The following COL10A1 variants were observed in gnomAD, a reference collection of about 807,000 sequenced individuals.
COL10A1 encodes collagen alpha-1(X) chain.
A neutral mutation model predicts 18.2 loss-of-function variants in COL10A1; 10 were observed. The ratio of observed to expected loss-of-function variants is 0.55; its 90% CI spans 0.34 to 0.93. COL10A1 has a LOEUF of 0.93. Ranked by LOEUF, COL10A1 falls within the 40% of genes least tolerant of loss-of-function variation. COL10A1 has a pLI of 0.02. For missense variants in COL10A1, 897 were observed against 853.5 expected (o/e 1.05, Z -0.64); for synonymous variants, 330 against 316.6 (o/e 1.04, Z -0.45).
At chr6:116,150,110 C>T (rs1484774763) in intron 1 of COL10A1, among the ~76,000 whole-genome samples, 1 of 151,968 alleles carries the variant, frequency 6.6e-6, no homozygotes, top group Non-Finnish European at 1.5e-5. Flanking sequence ...GATAAAAAGT[C>T]GAGTCTTTGA....
the COL10A1 span, among the ~76,000 whole-genome samples, chr6:116,169,163 C>T: frequency 2.6e-5 from 4 of 152,202 alleles, no homozygotes; most frequent in African/African-American, 9.6e-5. Flanking sequence ...GCTCAGCTTT[C>T]TGGGTTTCTC....
chr6:116,125,249 A>G, intron 2 of COL10A1, 90 bp downstream of exon 2: 1 of 1,459,474 alleles, frequency 6.9e-7, no homozygotes, highest in Non-Finnish European at 9.4e-7. Context: ...AGTAACACCA[A>G]AGTTAAATGC....
upstream of COL10A1, among the ~76,000 whole-genome samples, chr6:116,159,904 T>C (rs1183154994): frequency 4.6e-5 from 7 of 152,208 alleles, no homozygotes; most frequent in Admixed American, 3.9e-4. Context: ...CTTAAGATCA[T>C]GGCCTCCAGC....
chr6:116,188,349 T>A, the COL10A1 span, among the ~76,000 whole-genome samples: 1 of 152,048 alleles, frequency 6.6e-6, no homozygotes, highest in Non-Finnish European at 1.5e-5. Context: ...ATATATACCA[T>A]CCAGAATGTT....
rs1226159533 is a variant in COL10A1, at chr6:116,119,156, A to G, written c.*917T>C. The G allele has an allele frequency of 1.3e-5, 2 of 152,632 alleles. No homozygotes were observed. Among genetic ancestry groups the G allele is most frequent in the Non-Finnish European group, 2.9e-5 (2 of 68,042 alleles). 9.5% of individuals were successfully genotyped at this position (152,632 alleles called of 1,614,324 possible). On this transcript the variant is annotated 3_prime_UTR_variant, in exon 3 of 3. Coordinates refer to ENST00000651968, the MANE Select transcript of COL10A1 (RefSeq NM_000493.4). Reference sequence around the variant, plus strand: ...ACAGTACAGTGCATAAATAAATAATATATCTCCACTTCTAGTCGAATTTTG... The same window carrying G: ...ACAGTACAGTGCATAAATAAATAATGTATCTCCACTTCTAGTCGAATTTTG...
chr6:116,198,685 C>T, the COL10A1 span, among the ~76,000 whole-genome samples: 7 of 152,076 alleles, frequency 4.6e-5, no homozygotes, highest in South Asian at 1.5e-3. Context: ...GCTACGATCA[C>T]ACCACTGCAC....
chr6:116,184,023 G>A, the COL10A1 span, among the ~76,000 whole-genome samples: 1 of 151,974 alleles, frequency 6.6e-6, no homozygotes, highest in Non-Finnish European at 1.5e-5. Context: ...TCAGTTTAAT[G>A]TTGACTGTGG....
upstream of COL10A1, among the ~76,000 whole-genome samples, chr6:116,161,085 G>A (rs932930799): frequency 3.3e-5 from 5 of 150,846 alleles, no homozygotes; most frequent in Non-Finnish European, 4.4e-5. Flanking sequence ...GTAAACTATC[G>A]TAAGAACAAA....
the COL10A1 span, among the ~76,000 whole-genome samples, chr6:116,206,169 C>G: frequency 1.3e-5 from 2 of 151,954 alleles, no homozygotes; most frequent in Non-Finnish European, 2.9e-5. Context: ...GCATTTTGGG[C>G]CCATGCAGGG....
At chr6:116,177,079 G>T in the COL10A1 span, among the ~76,000 whole-genome samples, 1 of 152,150 alleles carries the variant, frequency 6.6e-6, no homozygotes, top group South Asian at 2.1e-4. Context: ...TATAGTTTCT[G>T]TTATAATATG....
chr6:116,152,833 C>A (rs928424201), intron 1 of COL10A1, among the ~76,000 whole-genome samples: 5 of 152,112 alleles, frequency 3.3e-5, no homozygotes, highest in Non-Finnish European at 7.4e-5. Flanking sequence ...ATTGCTAAAT[C>A]CAGTTATTTA....
the COL10A1 span, among the ~76,000 whole-genome samples, chr6:116,165,445 TTTC>T: frequency 1.9e-4 from 29 of 152,234 alleles, no homozygotes; most frequent in Non-Finnish European, 3.8e-4. Flanking sequence ...TTGCTTACTT[TTTC>T]TTCTTCTTTC....
upstream of COL10A1, among the ~76,000 whole-genome samples, chr6:116,161,146 A>G (rs1293039218): frequency 7.0e-6 from 1 of 142,768 alleles, no homozygotes; most frequent in East Asian, 2.1e-4. Context: ...AACAATGAGA[A>G]CACATGGACA....
At chr6:116,169,449 A>G in the COL10A1 span, among the ~76,000 whole-genome samples, 2 of 152,316 alleles carry the variant, frequency 1.3e-5, no homozygotes, top group East Asian at 1.9e-4. Context: ...TTCAGTAAGC[A>G]TAGTGATTAG....
chr6:116,155,121 AG>A (rs1780153873), intron 1 of COL10A1, among the ~76,000 whole-genome samples: 1 of 152,156 alleles, frequency 6.6e-6, no homozygotes, highest in Non-Finnish European at 1.5e-5. Flanking sequence ...TCAATGGCAA[AG>A]TATGTGGTTG....
chr6:116,129,113 GAGA>G (rs1036555171), upstream of COL10A1, among the ~76,000 whole-genome samples: 19 of 152,172 alleles, frequency 1.2e-4, no homozygotes, highest in African/African-American at 4.6e-4. Flanking sequence ...TTTTCCAGAA[GAGA>G]AGGAGTCTTT....
Position 116,135,499 on chromosome 6 carries a change from G to T in COL10A1, c.-15-9992C>A, listed in dbSNP as rs531493665. Among the ~76,000 whole-genome samples, 3 of 151,698 alleles carry T rather than the reference G, an allele frequency of 2.0e-5. No homozygotes were observed. In the East Asian group the frequency reaches 5.8e-4, roughly 29 times the overall value. On this transcript the variant is annotated intron_variant, in intron 1 of 1. Coordinates refer to the COL10A1 transcript ENST00000418500. ...TCAGTTCTGCTTGTTATTCAGCAAA[G>T]TTATGCTTGGACAAAATTAACTTTT...
the COL10A1 span, among the ~76,000 whole-genome samples, chr6:116,183,264 T>C: frequency 6.6e-6 from 1 of 152,158 alleles, no homozygotes; most frequent in Non-Finnish European, 1.5e-5. Flanking sequence ...CTGTGCTGTT[T>C]TGGTGATTAT....
rs924509085 is a variant in COL10A1 at position 116,126,075 on chromosome 6, G to A, written c.-38C>T. The A allele has an allele frequency of 2.6e-5, 4 of 154,704 alleles. No individual in the cohort carries two copies. Among genetic ancestry groups the A allele is most frequent in the African/African-American group, 9.6e-5 (4 of 41,474 alleles). 9.6% of individuals were successfully genotyped at this position (154,704 alleles called of 1,614,324 possible). A position where few individuals can be genotyped will look rare whatever the true frequency, so the allele number is the denominator to read the frequency against. ...TACCTGCGTGCTGGGAGTTCCTGGA[G>A]ATGGTGCCTTGGCAGCTTTCTGAAG... is the stretch of plus-strand genomic sequence containing the variant. On this transcript the variant is annotated 5_prime_UTR_variant, in exon 1 of 3. Coordinates refer to ENST00000651968, the MANE Select transcript of COL10A1 (RefSeq NM_000493.4).
Sources: allele counts gnomAD v4.1 joint callset (sites outside exome capture counted in the v4.1 genomes callset), GRCh38; gene constraint gnomAD v4.1.1; transcripts MANE v1.5; gene names NCBI Gene and HGNC (gene_info 2026-07-23, HGNC 2026-07-21).